The following PCDHA1 variants were observed in gnomAD, a reference collection of about 807,000 sequenced individuals.
The protein encoded by PCDHA1 is protocadherin alpha-1.
A neutral mutation model predicts 61.3 loss-of-function variants in PCDHA1; 42 were observed. The ratio of observed to expected loss-of-function variants is 0.69; its 90% CI spans 0.54 to 0.89. PCDHA1 has a LOEUF of 0.89. PCDHA1 is among the 40% of genes least tolerant of loss of function. PCDHA1 has a pLI of 0.00. For synonymous variants in PCDHA1, 610 were observed against 553.8 expected (o/e 1.10, Z -1.43); for missense variants, 1,256 against 1,235.3 (o/e 1.02, Z -0.25).
At chr5:140,955,126 G>T (rs947007538) in intron 1 of PCDHA1, among the ~76,000 whole-genome samples, 6 of 152,110 alleles carry the variant, frequency 3.9e-5, no homozygotes, top group African/African-American at 1.4e-4. Flanking sequence ...CTGTTCCACT[G>T]GTCTACACGT....
rs782500968 is a variant in PCDHA1 at position 140,787,742 on chromosome 5, G to A, written c.1452G>A (p.Ala484=). The A allele has an allele frequency of 3.1e-6, 5 of 1,613,472 alleles. No individual in the cohort carries two copies. The highest frequency in any genetic ancestry group is 3.4e-6 in the Non-Finnish European group (4 of 1,179,854). The part of the protein sequence containing the change: ...IFTVSARDAD[A]QENALVSYSL... Reference sequence around the variant, plus strand: ...CGGTGTCTGCGCGGGACGCGGACGCGCAGGAGAACGCGCTGGTGTCCTATT... The same window carrying A: ...CGGTGTCTGCGCGGGACGCGGACGCACAGGAGAACGCGCTGGTGTCCTATT... The change falls in exon 1 of 4, where the codon GCG becomes GCA. Residue 484 remains alanine (A), a synonymous_variant. Transcript: ENST00000504120.
At chr5:140,822,914 C>A (rs2150120305) in intron 1 of PCDHA1, 1 of 1,614,246 alleles carries the variant, frequency 6.2e-7, no homozygotes, top group Non-Finnish European at 8.5e-7. Context: ...GACTCAGGTG[C>A]CAACGGGCAG....
chr5:140,918,817 A>C (rs1554198772), intron 1 of PCDHA1, among the ~76,000 whole-genome samples: 1 of 62,248 alleles, frequency 1.6e-5, no homozygotes, highest in Non-Finnish European at 2.7e-5. Context: ...TGAACCAAAA[A>C]GTGGCCCCCT....
chr5:140,828,695 A>G (rs2150158000), intron 1 of PCDHA1: 1 of 1,614,236 alleles, frequency 6.2e-7, no homozygotes, highest in South Asian at 1.1e-5. Flanking sequence ...ATCCTTGGAC[A>G]GAGAGGAAGC....
intron 1 of PCDHA1, chr5:140,869,187 C>G (rs782446170): frequency 2.5e-6 from 4 of 1,613,830 alleles, no homozygotes; most frequent in African/African-American, 1.3e-5. Flanking sequence ...AGGTGGGGAG[C>G]GGCCAGCTCC....
In PCDHA1 at chr5:140,927,750, G is replaced by T. The variant is rs155819; in HGVS notation, c.2395-51199G>T. The T allele has an allele frequency of 1.4e-3, 2,310 of 1,614,204 alleles. 26 individuals carry two copies. In the African/African-American group the frequency reaches 0.026, roughly 18 times the overall value. On this transcript the variant is annotated intron_variant, in intron 1 of 3. Coordinates refer to ENST00000504120, the MANE Select transcript of PCDHA1 (RefSeq NM_018900.4). ...CAGAGCTGCGACACCGCTTTCACGT[G>T]CACCCTAAAAGTGGGGAGGTGCAAG...
intron 1 of PCDHA1, chr5:140,884,023 G>C (rs1554181067): frequency 2.5e-6 from 4 of 1,613,202 alleles, no homozygotes; most frequent in Non-Finnish European, 3.4e-6. Flanking sequence ...CGCGGTCGGT[G>C]GGTGCAGGCC....
intron 1 of PCDHA1, chr5:140,828,105 C>T (rs1554131020): frequency 3.1e-6 from 5 of 1,610,132 alleles, no homozygotes; most frequent in Middle Eastern, 1.7e-4. Context: ...GTGTTTACCC[C>T]GGAGGATAGA....
chr5:140,876,829 C>T (rs782699472), intron 1 of PCDHA1: 2 of 1,614,196 alleles, frequency 1.2e-6, no homozygotes, highest in Non-Finnish European at 1.7e-6. Context: ...CGACAATGCG[C>T]CTGCGTTCGC....
chr5:140,883,320 C>T, intron 1 of PCDHA1: 1 of 1,614,112 alleles, frequency 6.2e-7, no homozygotes, highest in Non-Finnish European at 8.5e-7. Flanking sequence ...CCAGAGGTTA[C>T]CATCACTTCT....
chr5:140,930,925 G>T (rs1271801364), intron 1 of PCDHA1, among the ~76,000 whole-genome samples: 7 of 152,158 alleles, frequency 4.6e-5, no homozygotes, highest in Admixed American at 4.6e-4. Flanking sequence ...ATGTGTATAT[G>T]TGGTTAACAG....
chr5:140,830,034 T>C (rs1581895588), intron 1 of PCDHA1: 2 of 1,613,732 alleles, frequency 1.2e-6, no homozygotes, highest in East Asian at 2.2e-5. Flanking sequence ...CACCGGCTGC[T>C]GGTGCTGGTG....
At chr5:140,911,539 C>T (rs1554194791) in intron 1 of PCDHA1, among the ~76,000 whole-genome samples, 1 of 152,194 alleles carries the variant, frequency 6.6e-6, no homozygotes, top group African/African-American at 2.4e-5. Context: ...ATTAGAATCC[C>T]TAAGTTCATC....
rs1320203097 is a variant in PCDHA1 at position 140,848,970 on chromosome 5, G to C, written c.2394+60286G>C. ...TCGGTTTCCACTAGAGGGCGCGTCC[G>C]ATGCAGATATCGGGGAGAACGCCCT... On this transcript the variant is annotated intron_variant, in intron 1 of 3. Transcript: ENST00000504120. 3.7e-5 allele frequency: 60 copies of C among 1,602,546 alleles called. 1 individual carries two copies. The highest frequency in any genetic ancestry group is 5.0e-5 in the Non-Finnish European group (59 of 1,173,282).
intron 1 of PCDHA1, chr5:140,929,431 C>T (rs155360): frequency 0.52 from 779,088 of 1,485,262 alleles, 207,160 homozygotes; most frequent in African/African-American, 0.75. Context: ...ATCAATTGAA[C>T]TAAACACTCC....
chr5:140,911,165 G>A (rs931843921), intron 1 of PCDHA1, among the ~76,000 whole-genome samples: 3 of 152,178 alleles, frequency 2.0e-5, no homozygotes, highest in Non-Finnish European at 4.4e-5. Context: ...AATGTGGAAA[G>A]GCTGATGGCA....
chr5:140,881,319 T>C lies in PCDHA1; in HGVS notation c.2394+92635T>C, dbSNP rs183772489. Reference sequence around the variant, plus strand: ...AAACTTTAACCTCCTGGTTAAATTCTATTTAACCAGGACGCCGATTCGGGC... The same window carrying C: ...AAACTTTAACCTCCTGGTTAAATTCCATTTAACCAGGACGCCGATTCGGGC... On this transcript the variant is annotated intron_variant, in intron 1 of 3. Transcript: ENST00000504120. 1.0e-4 allele frequency: 101 copies of C among 979,186 alleles called. No individual in the cohort carries two copies. The African/African-American group carries it at 1.7e-3, about 17-fold the overall frequency. 60.7% of individuals were successfully genotyped at this position (979,186 alleles called of 1,614,324 possible).
rs2150166154 is a variant in PCDHA1, at chr5:140,829,340, A to G, written c.2394+40656A>G. On this transcript the variant is annotated intron_variant, in intron 1 of 3. Coordinates refer to ENST00000504120, the MANE Select transcript of PCDHA1 (RefSeq NM_018900.4). ...GCTGGACAGTGCCCTGGACCGCGAG[A>G]GCGTGTCGGCCTATGAGTTGGTGGT... is the stretch of plus-strand genomic sequence containing the variant. 2.5e-6 allele frequency: 4 copies of G among 1,614,216 alleles called. No homozygotes were observed. In the South Asian group the frequency reaches 4.4e-5, roughly 18 times the overall value.
At chr5:140,803,456 G>A (rs372857774) in intron 1 of PCDHA1, 1 of 1,614,138 alleles carries the variant, frequency 6.2e-7, no homozygotes, top group Non-Finnish European at 8.5e-7. Flanking sequence ...ACTCGCAGCA[G>A]AGGCAGCAGA....
Sources: allele counts gnomAD v4.1 joint callset (sites outside exome capture counted in the v4.1 genomes callset), GRCh38; gene constraint gnomAD v4.1.1; transcripts MANE v1.5; gene names NCBI Gene and HGNC (gene_info 2026-07-23, HGNC 2026-07-21).